Variants in TRIM2 observed in about 807,000 individuals in gnomAD.
TRIM2 encodes the protein tripartite motif-containing protein 2.
In TRIM2, 20 loss-of-function variants were observed where a neutral mutation model predicts 75.2. The ratio of observed to expected loss-of-function variants is 0.27; its 90% confidence interval spans 0.19 to 0.39. TRIM2 has a LOEUF of 0.39. Among genes scored for constraint, TRIM2 ranks in the 10% least tolerant of loss-of-function variants. The pLI is 1.00. For synonymous variants in TRIM2, 373 were observed against 388.3 expected (o/e 0.96, Z 0.46); for missense variants, 660 against 990.8 (o/e 0.67, Z 4.48).
rs946444200 is a variant in TRIM2, at chr4:153,270,170, C to T, written c.31-165C>T. 3.3e-5 allele frequency among the ~76,000 whole-genome samples: 5 copies of T among 152,030 alleles called. No individual in the cohort carries two copies. The East Asian group carries it at 5.8e-4, about 18-fold the overall frequency. On this transcript the variant is annotated intron_variant, in intron 1 of 11. Transcript: ENST00000338700. ...GTCTCGATCTCTTGACCTCATGATC[C>T]GCCCACCTCGGCCTCCCAAAGTGCT...
chr4:153,259,954 C>T (rs1191021388), intron 1 of TRIM2, among the ~76,000 whole-genome samples: 1 of 152,184 alleles, frequency 6.6e-6, no homozygotes, highest in African/African-American at 2.4e-5. Flanking sequence ...TCTTCACATT[C>T]TCGACAGCCT....
In TRIM2 at chr4:153,161,706, G is replaced by T. The variant is rs567521486; in HGVS notation, c.-49+8436G>T. The stretch of plus-strand genomic sequence containing the variant: ...ATCCTTTGGTTCTCACAGGCCAACT[G>T]CTACAAGGCAGGTCCAACAAATTTC... On this transcript the variant is annotated intron_variant, in intron 1 of 11. Coordinates refer to the TRIM2 transcript ENST00000437508. Among the ~76,000 whole-genome samples, 5 of 152,306 alleles carry T rather than the reference G, an allele frequency of 3.3e-5. No homozygotes were observed. In the East Asian group the frequency reaches 7.7e-4, roughly 23 times the overall value.
Position 153,315,689 on chromosome 4 carries a change from A to G in TRIM2, c.1614+101A>G, listed in dbSNP as rs191787946. 144 of 1,443,418 alleles carry G rather than the reference A, an allele frequency of 1.0e-4. 1 individual carries two copies. The African/African-American group carries it at 1.9e-3, about 19-fold the overall frequency. 89.4% of individuals were successfully genotyped at this position (1,443,418 alleles called of 1,614,324 possible). A position where few individuals can be genotyped will look rare whatever the true frequency, so the allele number is the denominator to read the frequency against. ...GACTTCAGATACATGGTGTAAGGAA[A>G]AAAGCTTATGTTTATGTAGACTTTT... On this transcript the variant is annotated intron_variant, in intron 7 of 11. Transcript: ENST00000338700.
At chr4:153,301,462 G>A (rs545401278) in intron 6 of TRIM2, among the ~76,000 whole-genome samples, 2 of 152,078 alleles carry the variant, frequency 1.3e-5, no homozygotes, top group Admixed American at 1.3e-4. Context: ...CTTCACTCTG[G>A]TGATCCTTTG....
At chr4:153,224,907 G>C (rs1741700926) in intron 1 of TRIM2, among the ~76,000 whole-genome samples, 1 of 152,168 alleles carries the variant, frequency 6.6e-6, no homozygotes, top group Non-Finnish European at 1.5e-5. Context: ...TCTTTAGTCT[G>C]TCCTTGGGTT....
intron 1 of TRIM2, chr4:153,257,401 G>C (rs1752329813): frequency 8.8e-7 from 1 of 1,137,452 alleles, no homozygotes. Context: ...CGCTCAGTGA[G>C]AAAAAGATGT....
At chr4:153,333,801 C>G (rs1453641516) in intron 11 of TRIM2, among the ~76,000 whole-genome samples, 1 of 151,950 alleles carries the variant, frequency 6.6e-6, no homozygotes, top group Non-Finnish European at 1.5e-5. Flanking sequence ...ATAGCATGCT[C>G]TAGGTATTAG....
At chr4:153,310,802 G>A (rs1248316775) in intron 6 of TRIM2, among the ~76,000 whole-genome samples, 3 of 152,196 alleles carry the variant, frequency 2.0e-5, no homozygotes, top group Admixed American at 6.5e-5. Context: ...GGTAGTGCCT[G>A]TTTCGTTTAG....
At chr4:153,235,642 G>C (rs1362750702) in intron 1 of TRIM2, among the ~76,000 whole-genome samples, 1 of 152,174 alleles carries the variant, frequency 6.6e-6, no homozygotes, top group Non-Finnish European at 1.5e-5. Context: ...AGCACATACA[G>C]AGTAGTTAAT....
chr4:153,320,082 T>C (rs960349352), intron 8 of TRIM2, among the ~76,000 whole-genome samples: 30 of 152,336 alleles, frequency 2.0e-4, no homozygotes, highest in Admixed American at 2.0e-3. Flanking sequence ...AAGTGCCTTC[T>C]CTCCCTTTTG....
chr4:153,251,268 C>T, intron 1 of TRIM2, among the ~76,000 whole-genome samples: 1 of 152,212 alleles, frequency 6.6e-6, no homozygotes, highest in East Asian at 1.9e-4. Flanking sequence ...GAGGAAGGGG[C>T]TCGGCCTCTT....
Position 153,328,669 on chromosome 4 carries a change from A to G in TRIM2, c.2162A>G (p.Gln721Arg), listed in dbSNP as rs1206170201. Residue 721 changes from glutamine (Q) to arginine (R), a missense_variant and splice_region_variant, in exon 11 of 12, where the codon CAG (glutamine) becomes CGG (arginine). By Grantham distance (43) the Gln-to-Arg change is conservative. Around this residue, in one of 2 missense-constraint regions of TRIM2, gnomAD observed 40 missense variants for 99.8 expected, o/e 0.40. Coordinates refer to ENST00000338700, the MANE Select transcript of TRIM2 (RefSeq NM_015271.5). The stretch of plus-strand genomic sequence containing the variant: ...GCCGACTGGGGAAACAGCAGGATCC[A>G]GGTAGATCAATGTGCTAATGTATAT... ...IVADWGNSRI[Q>R]VFDGSGSFLS... 1 of 1,607,980 alleles carries G rather than the reference A, an allele frequency of 6.2e-7. No individual in the cohort carries two copies. Among genetic ancestry groups the G allele is most frequent in the Non-Finnish European group, 8.5e-7 (1 of 1,178,132 alleles).
chr4:153,209,798 G>A lies in TRIM2; in HGVS notation c.30+5238G>A, dbSNP rs114312113. ...CCCTCAAAGCCTCACTCTAAACCTGGTCTGGCACTTTTCAATGTGTGTTCT... is the reference window on the plus strand; with the variant it reads ...CCCTCAAAGCCTCACTCTAAACCTGATCTGGCACTTTTCAATGTGTGTTCT... On this transcript the variant is annotated intron_variant, in intron 1 of 11. Coordinates refer to ENST00000338700, the MANE Select transcript of TRIM2 (RefSeq NM_015271.5). Among the ~76,000 whole-genome samples, 292 of 152,206 alleles carry A rather than the reference G, an allele frequency of 1.9e-3. 4 individuals carry two copies. The highest frequency in any genetic ancestry group is 6.8e-3 in the African/African-American group (282 of 41,554).
intron 1 of TRIM2, among the ~76,000 whole-genome samples, chr4:153,239,959 C>T (rs1331545474): frequency 6.6e-6 from 1 of 151,798 alleles, no homozygotes; most frequent in South Asian, 2.1e-4. Context: ...CTCAGCCTCC[C>T]GAGTAGTTGG....
chr4:153,241,406 C>A (rs1746556682), intron 1 of TRIM2, among the ~76,000 whole-genome samples: 1 of 152,238 alleles, frequency 6.6e-6, no homozygotes, highest in Non-Finnish European at 1.5e-5. Flanking sequence ...GTCCTGCCCC[C>A]TCCCCGATGG....
chr4:153,176,284 T>C (rs11942906), intron 1 of TRIM2, among the ~76,000 whole-genome samples: 1,692 of 152,114 alleles, frequency 0.011, 40 homozygotes, highest in African/African-American at 0.039. Flanking sequence ...TGCGACCTCA[T>C]GTCTACAAAA....
At chr4:153,233,662 C>T (rs930760819) in intron 1 of TRIM2, among the ~76,000 whole-genome samples, 8 of 151,854 alleles carry the variant, frequency 5.3e-5, no homozygotes, top group Admixed American at 1.3e-4. Flanking sequence ...AGGAGTGAGG[C>T]GTGGAGGTGG....
chr4:153,298,781 T>C (rs1369224099), intron 6 of TRIM2, among the ~76,000 whole-genome samples: 1 of 152,198 alleles, frequency 6.6e-6, no homozygotes, highest in Non-Finnish European at 1.5e-5. Flanking sequence ...TTGGCCAGGC[T>C]GGAGTACAGT....
intron 2 of TRIM2, among the ~76,000 whole-genome samples, chr4:153,272,116 C>T (rs1756831725): frequency 6.6e-6 from 1 of 151,624 alleles, no homozygotes; most frequent in Admixed American, 6.6e-5. Flanking sequence ...GTTCCAGCCT[C>T]ATGCATGTTG....
Sources: gnomAD v4.1 joint callset for allele counts (sites outside exome capture counted in the v4.1 genomes callset) on GRCh38, gnomAD v4.1.1 for gene constraint, gnomAD v4.1.1 regional missense constraint, MANE v1.5 for transcripts, NCBI Gene and HGNC (gene_info 2026-07-23, HGNC 2026-07-21) for gene names.